The following HCN1 variants were observed in gnomAD, a reference collection of about 807,000 sequenced individuals.
The protein encoded by HCN1 is hyperpolarization activated cyclic nucleotide gated potassium channel 1.
In HCN1, 13 loss-of-function variants were observed where a neutral mutation model predicts 78.9. That is an observed-to-expected ratio of 0.16 (90% CI 0.11 to 0.26). HCN1 has a LOEUF of 0.26. HCN1 is among the 10% of genes least tolerant of loss of function. HCN1 has a pLI of 1.00. For missense variants in HCN1, 810 were observed against 1,154.3 expected, an observed-to-expected ratio of 0.70 and a Z score of 4.32; for synonymous variants, 552 against 455.5, an observed-to-expected ratio of 1.21 and a Z score of -2.70.
chr5:45,403,217 T>A (rs1287699849), intron 3 of HCN1, among the ~76,000 whole-genome samples: 1 of 152,136 alleles, frequency 6.6e-6, no homozygotes, highest in Non-Finnish European at 1.5e-5. Flanking sequence ...AAGTGAGCAT[T>A]TAAGTAGCAG....
intron 2 of HCN1, among the ~76,000 whole-genome samples, chr5:45,606,181 A>C (rs1417167615): frequency 6.6e-6 from 1 of 152,032 alleles, no homozygotes; most frequent in Non-Finnish European, 1.5e-5. Context: ...TTATACCTTA[A>C]AACATTTTCC....
At chr5:45,385,204 G>T (rs75846016) in intron 4 of HCN1, among the ~76,000 whole-genome samples, 8,326 of 152,144 alleles carry the variant, frequency 0.055, 343 homozygotes, top group East Asian at 0.13. Context: ...ACTGGGTTGA[G>T]AATGGGACTA....
intron 3 of HCN1, among the ~76,000 whole-genome samples, chr5:45,438,579 G>A (rs113596267): frequency 0.099 from 14,522 of 147,404 alleles, 940 homozygotes; most frequent in Middle Eastern, 0.18. Context: ...CACAGAGCGA[G>A]ACTCCGTCTC....
chr5:45,547,567 T>C (rs983101493), intron 2 of HCN1, among the ~76,000 whole-genome samples: 40 of 151,906 alleles, frequency 2.6e-4, no homozygotes, highest in Non-Finnish European at 4.9e-4. Flanking sequence ...ATATGAGTTA[T>C]TCCTTATCTA....
chr5:45,287,403 T>C (rs1394509900), intron 6 of HCN1, among the ~76,000 whole-genome samples: 3 of 152,010 alleles, frequency 2.0e-5, no homozygotes, highest in African/African-American at 4.8e-5. Context: ...ATGCCTTCCA[T>C]TTTACTTCTA....
chr5:45,591,852 G>T (rs2111945006), intron 2 of HCN1, among the ~76,000 whole-genome samples: 1 of 152,232 alleles, frequency 6.6e-6, no homozygotes, highest in Non-Finnish European at 1.5e-5. Flanking sequence ...GGCATCTAAA[G>T]AGTATCACTG....
chr5:45,636,758 T>C (rs770212070), intron 2 of HCN1, among the ~76,000 whole-genome samples: 17 of 152,076 alleles, frequency 1.1e-4, no homozygotes, highest in Non-Finnish European at 2.4e-4. Flanking sequence ...GAAGATCCCT[T>C]GAGCTTAGGA....
At chr5:45,533,537 T>C (rs1384171801) in intron 2 of HCN1, among the ~76,000 whole-genome samples, 3 of 152,210 alleles carry the variant, frequency 2.0e-5, no homozygotes, top group African/African-American at 7.2e-5. Context: ...ATGTACTGAC[T>C]AGCCTTTCCA....
chr5:45,498,847 A>G (rs1185828652), intron 2 of HCN1, among the ~76,000 whole-genome samples: 1 of 152,090 alleles, frequency 6.6e-6, no homozygotes, highest in African/African-American at 2.4e-5. Flanking sequence ...CGGCCGTGTG[A>G]GGTGTCAGTC....
chr5:45,579,690 T>C (rs1315370580), intron 2 of HCN1, among the ~76,000 whole-genome samples: 2 of 152,122 alleles, frequency 1.3e-5, no homozygotes, highest in African/African-American at 2.4e-5. Flanking sequence ...TACATTTTCA[T>C]AGTTTGGAGG....
At chr5:45,488,337 T>C (rs1454497038) in intron 2 of HCN1, among the ~76,000 whole-genome samples, 1 of 152,130 alleles carries the variant, frequency 6.6e-6, no homozygotes, top group East Asian at 1.9e-4. Context: ...AATGGGGAAC[T>C]TAGACACTGA....
chr5:45,465,580 C>G (rs1430161551), intron 2 of HCN1, among the ~76,000 whole-genome samples: 1 of 151,862 alleles, frequency 6.6e-6, no homozygotes, highest in Non-Finnish European at 1.5e-5. Context: ...TGTGGTGAAC[C>G]CTTGTCTCTA....
chr5:45,516,184 A>G (rs1003494127), intron 2 of HCN1, among the ~76,000 whole-genome samples: 2 of 151,884 alleles, frequency 1.3e-5, no homozygotes, highest in Non-Finnish European at 2.9e-5. Flanking sequence ...GAGTTGACTT[A>G]TCCTCCAAAT....
chr5:45,534,714 C>T (rs889487101), intron 2 of HCN1, among the ~76,000 whole-genome samples: 9 of 151,398 alleles, frequency 5.9e-5, no homozygotes, highest in South Asian at 2.1e-4. Flanking sequence ...ATTTGTTAAG[C>T]GAAACTGGTT....
At chr5:45,387,347 A>G (rs1022981187) in intron 4 of HCN1, among the ~76,000 whole-genome samples, 1 of 152,078 alleles carries the variant, frequency 6.6e-6, no homozygotes, top group East Asian at 1.9e-4. Context: ...TTTTATACAA[A>G]TTTCCTTTTC....
At chr5:45,269,240 C>T (rs1744916015) in intron 6 of HCN1, among the ~76,000 whole-genome samples, 1 of 152,154 alleles carries the variant, frequency 6.6e-6, no homozygotes, top group Non-Finnish European at 1.5e-5. Context: ...GGTTTCATCA[C>T]TTGGTAAATT....
At chr5:45,611,684 C>T (rs998402547) in intron 2 of HCN1, among the ~76,000 whole-genome samples, 1 of 152,076 alleles carries the variant, frequency 6.6e-6, no homozygotes, top group Non-Finnish European at 1.5e-5. Flanking sequence ...ACTACAGTAG[C>T]ATGCTATAGA....
chr5:45,345,382 C>T (rs1243291935), intron 5 of HCN1, among the ~76,000 whole-genome samples: 3 of 152,222 alleles, frequency 2.0e-5, no homozygotes, highest in Admixed American at 6.5e-5. Flanking sequence ...CGCCTTGTCA[C>T]TGATGTAAAT....
At chr5:45,279,215 T>A (rs1190219277) in intron 6 of HCN1, among the ~76,000 whole-genome samples, 1 of 152,152 alleles carries the variant, frequency 6.6e-6, no homozygotes, top group African/African-American at 2.4e-5. Context: ...CATATTATCT[T>A]TTATATTTAA....
Sources: allele counts gnomAD v4.1 joint callset (sites outside exome capture counted in the v4.1 genomes callset), GRCh38; gene constraint gnomAD v4.1.1; transcripts MANE v1.5; gene names NCBI Gene and HGNC (gene_info 2026-07-23, HGNC 2026-07-21).